Variants in HIPK2 observed in about 807,000 individuals in gnomAD.
The protein encoded by HIPK2 is homeodomain-interacting protein kinase 2.
In HIPK2, 27 loss-of-function variants were observed where a neutral mutation model predicts 113.7. That is an observed-to-expected ratio of 0.24 (90% confidence interval 0.17 to 0.33). HIPK2 has a LOEUF of 0.33. Among genes scored for constraint, HIPK2 ranks in the 10% least tolerant of loss-of-function variants. The pLI, the probability that HIPK2 is intolerant of heterozygous loss-of-function variation, is 1.00. For missense variants in HIPK2, 1,257 were observed against 1,588.0 expected (o/e 0.79, Z 3.54); for synonymous variants, 631 against 642.2 (o/e 0.98, Z 0.26).
chr7:139,609,896 G>C (rs555910265), intron 9 of HIPK2, among the ~76,000 whole-genome samples: 1 of 152,288 alleles, frequency 6.6e-6, no homozygotes, highest in East Asian at 1.9e-4. Flanking sequence ...ATGGCTACAT[G>C]GTGTTCCATT....
intron 2 of HIPK2, among the ~76,000 whole-genome samples, chr7:139,656,615 A>C (rs1801677923): frequency 6.6e-6 from 1 of 152,110 alleles, no homozygotes; most frequent in African/African-American, 2.4e-5. Flanking sequence ...TTTCCTCAAG[A>C]ACCAACTTGC....
Position 139,592,492 on chromosome 7 carries a change from T to G in HIPK2, c.2717+4225A>C, listed in dbSNP as rs148925704. ...AGGCTCACACCTGTAATCCCAGCAC[T>G]TTGGGAGGCCAAGGCAGGAGAACTG... On this transcript the variant is annotated intron_variant, in intron 12 of 14. Coordinates refer to ENST00000406875, the MANE Select transcript of HIPK2 (RefSeq NM_022740.5). Among the ~76,000 whole-genome samples the G allele has an allele frequency of 4.9e-3, 743 of 152,292 alleles. 4 individuals carry two copies. The highest frequency in any genetic ancestry group is 0.017 in the African/African-American group (690 of 41,552).
At chr7:139,593,959 A>G (rs1049168638) in intron 12 of HIPK2, among the ~76,000 whole-genome samples, 1 of 152,094 alleles carries the variant, frequency 6.6e-6, no homozygotes, top group Admixed American at 6.5e-5. Flanking sequence ...TGAGCCCCTC[A>G]GTATCTCCTG....
rs778333936 is a variant in HIPK2, at chr7:139,626,791, C to T, written c.1435-6G>A. On this transcript the variant is annotated splice_region_variant and splice_polypyrimidine_tract_variant and intron_variant, in intron 5 of 14. Coordinates refer to ENST00000406875, the MANE Select transcript of HIPK2 (RefSeq NM_022740.5). ...AAATCTGTCGTCATGTTCACCTGGA[C>T]GCAAGTAAGGACAGGTTACCAAGGA... The T allele has an allele frequency of 7.4e-6, 12 of 1,613,798 alleles. No homozygotes were observed. The highest frequency in any genetic ancestry group is 2.7e-5 in the African/African-American group (2 of 74,926).
At chr7:139,587,392 G>A (rs540182738) in intron 12 of HIPK2, among the ~76,000 whole-genome samples, 1 of 151,036 alleles carries the variant, frequency 6.6e-6, no homozygotes, top group African/African-American at 2.4e-5. Flanking sequence ...CAGAGCCTGA[G>A]GCAGTAGAAT....
intron 2 of HIPK2, among the ~76,000 whole-genome samples, chr7:139,642,977 G>A (rs566145202): frequency 3.3e-5 from 5 of 152,252 alleles, no homozygotes; most frequent in African/African-American, 9.6e-5. Context: ...GGACAGACAC[G>A]ACACCCAAAC....
chr7:139,597,098 CTG>C (rs1250291865), intron 11 of HIPK2, 100 bp from the exon 12 acceptor site: 1 of 1,292,984 alleles, frequency 7.7e-7, no homozygotes, highest in Non-Finnish European at 1.1e-6. Context: ...TGCCAAATCT[CTG>C]TAAAACACGT....
At chr7:139,729,278 T>C (rs554764617) in intron 1 of HIPK2, among the ~76,000 whole-genome samples, 1 of 140,768 alleles carries the variant, frequency 7.1e-6, no homozygotes, top group Non-Finnish European at 1.5e-5. Context: ...CAAGCTGTGA[T>C]TGCAACACTG....
In HIPK2 at chr7:139,716,096, C is replaced by T; in HGVS notation, c.939G>A (p.Met313Ile). Residue 313 changes from methionine (M) to isoleucine (I), a missense_variant, in exon 2 of 15, where the codon ATG becomes ATA. This residue lies in a region of HIPK2 where 84 missense variants were observed against 182.2 expected (regional missense o/e 0.46). Coordinates refer to ENST00000406875, the MANE Select transcript of HIPK2 (RefSeq NM_022740.5). This position sits in a 1 kb window ranked among gnomAD's most constrained non-coding sequence, Gnocchi z 9.3. Reference sequence around the variant, plus strand: ...GGATAAGACCTAGGCTTTTGAGTTTCATCAGGGCTGTGGCTACCTGCTGGA... The same window carrying T: ...GGATAAGACCTAGGCTTTTGAGTTTTATCAGGGCTGTGGCTACCTGCTGGA... The part of the protein sequence containing the change: ...PVLQQVATAL[M>I]KLKSLGLIHA... 1 of 1,614,090 alleles carries T rather than the reference C, an allele frequency of 6.2e-7. No homozygotes were observed. The highest frequency in any genetic ancestry group is 8.5e-7 in the Non-Finnish European group (1 of 1,179,964).
chr7:139,590,600 G>A (rs190353740), intron 12 of HIPK2, among the ~76,000 whole-genome samples: 11 of 152,218 alleles, frequency 7.2e-5, no homozygotes, highest in Admixed American at 3.3e-4. Context: ...ATTAAGTACA[G>A]GTAACATTTA....
chr7:139,675,878 T>C (rs549856133), intron 2 of HIPK2, among the ~76,000 whole-genome samples: 1 of 152,342 alleles, frequency 6.6e-6, no homozygotes, highest in African/African-American at 2.4e-5. Flanking sequence ...CAATGATGCC[T>C]GAACAGATGG....
At chr7:139,753,724 G>C (rs187448362) in intron 1 of HIPK2, among the ~76,000 whole-genome samples, 14 of 152,350 alleles carry the variant, frequency 9.2e-5, no homozygotes, top group African/African-American at 2.9e-4. Flanking sequence ...GGGCTGGAGG[G>C]CCAAGGGAGC....
intron 9 of HIPK2, among the ~76,000 whole-genome samples, chr7:139,612,814 G>A (rs1214034659): frequency 6.6e-6 from 1 of 152,088 alleles, no homozygotes; most frequent in Non-Finnish European, 1.5e-5. Context: ...TAATCACCAA[G>A]GCTCCTTTTG....
intron 1 of HIPK2, among the ~76,000 whole-genome samples, chr7:139,740,208 C>T (rs1796060723): frequency 6.6e-6 from 1 of 152,232 alleles, no homozygotes; most frequent in Admixed American, 6.5e-5. Flanking sequence ...TGCTGCCCTT[C>T]TGTCCTTCGG....
intron 1 of HIPK2, among the ~76,000 whole-genome samples, chr7:139,750,165 T>G (rs998282504): frequency 1.3e-5 from 2 of 152,230 alleles, no homozygotes; most frequent in Admixed American, 1.3e-4. Context: ...TAAATGGTGG[T>G]GTCTTGGTTA....
At chr7:139,690,496 TA>T (rs1316726940) in intron 2 of HIPK2, among the ~76,000 whole-genome samples, 1 of 152,014 alleles carries the variant, frequency 6.6e-6, no homozygotes, top group Admixed American at 6.6e-5. Context: ...CTCGCAGTAA[TA>T]AATGAGTTCT....
chr7:139,695,465 T>A (rs1482389270), intron 2 of HIPK2, among the ~76,000 whole-genome samples: 1 of 152,212 alleles, frequency 6.6e-6, no homozygotes, highest in Admixed American at 6.5e-5. Flanking sequence ...CCAACCTGAT[T>A]GCCTGACATC....
At chr7:139,664,641 A>T (rs1256960540) in intron 2 of HIPK2, among the ~76,000 whole-genome samples, 1 of 152,158 alleles carries the variant, frequency 6.6e-6, no homozygotes, top group Non-Finnish European at 1.5e-5. Flanking sequence ...CTTTCAGGGG[A>T]CAACGAGGGC....
At chr7:139,702,038 C>A (rs1202447927) in intron 2 of HIPK2, among the ~76,000 whole-genome samples, 2 of 152,086 alleles carry the variant, frequency 1.3e-5, no homozygotes, top group South Asian at 2.1e-4. Flanking sequence ...AGGGAGCACA[C>A]GAGGAGCAGA....
Sources: allele counts gnomAD v4.1 joint callset (sites outside exome capture counted in the v4.1 genomes callset), GRCh38; gene constraint gnomAD v4.1.1; regional missense constraint gnomAD v4.1.1; non-coding constraint Gnocchi (gnomAD v3.1); transcripts MANE v1.5; gene names NCBI Gene and HGNC (gene_info 2026-07-23, HGNC 2026-07-21).